GNAL: variants seen among roughly 807,000 people sequenced by gnomAD.
The protein encoded by GNAL is G protein subunit alpha L, also known as guanine nucleotide-binding protein G(olf) subunit alpha.
Under a neutral mutation model 55.1 loss-of-function variants are expected in GNAL, and 18 were observed. The observed-to-expected ratio is 0.33, with a 90% CI of 0.23 to 0.48. The LOEUF (loss-of-function observed/expected upper bound fraction) is 0.48, where lower values mean the gene tolerates loss of function less well. GNAL is among the 20% of genes least tolerant of loss of function. The pLI is 0.99. For synonymous variants in GNAL, 253 were observed against 237.0 expected (o/e 1.07, Z -0.62); for missense variants, 412 against 614.1 (o/e 0.67, Z 3.48).
intron 4 of GNAL, among the ~76,000 whole-genome samples, chr18:11,765,566 C>T (rs1306275963): frequency 6.6e-6 from 1 of 152,192 alleles, no homozygotes; most frequent in Admixed American, 6.5e-5. Context: ...TCACCCACCT[C>T]CCCACTATTC....
intron 6 of GNAL, among the ~76,000 whole-genome samples, chr18:11,863,609 GA>G (rs941597840): frequency 2.0e-5 from 3 of 152,154 alleles, no homozygotes; most frequent in African/African-American, 7.2e-5. Flanking sequence ...AATTATTACA[GA>G]ATGGCTGCTT....
chr18:11,690,363 A>G (rs1403216930), intron 1 of GNAL, among the ~76,000 whole-genome samples: 7 of 152,260 alleles, frequency 4.6e-5, no homozygotes, highest in Admixed American at 2.0e-4. Flanking sequence ...GAGATTTATA[A>G]GGCCTTTTAG....
rs1323976364 is a variant in GNAL, at chr18:11,868,514, G to C, written c.911-29G>C. On this transcript the variant is annotated intron_variant, in intron 8 of 11. Coordinates refer to ENST00000334049, the MANE Select transcript of GNAL (RefSeq NM_182978.4). This position sits in a 1 kb window ranked among gnomAD's most constrained non-coding sequence, Gnocchi z 4.0. ...AACTCCACAGTGAGGATGTCTAACTGAGGTGCTTTCCTTTTTCTCCCCACC... is the reference window on the plus strand; with the variant it reads ...AACTCCACAGTGAGGATGTCTAACTCAGGTGCTTTCCTTTTTCTCCCCACC... 1.9e-6 allele frequency: 3 copies of C among 1,595,652 alleles called. No homozygotes were observed. In the African/African-American group the frequency reaches 4.1e-5, roughly 22 times the overall value.
At chr18:11,749,840 C>T (rs1187960637) in intron 1 of GNAL, among the ~76,000 whole-genome samples, 1 of 152,136 alleles carries the variant, frequency 6.6e-6, no homozygotes, top group East Asian at 1.9e-4. Flanking sequence ...GCACATGCAC[C>T]CGACCAGCCT....
intron 4 of GNAL, among the ~76,000 whole-genome samples, chr18:11,812,726 C>T (rs747986889): frequency 1.4e-4 from 22 of 152,030 alleles, no homozygotes; most frequent in Non-Finnish European, 2.9e-4. Context: ...TGCCTGTAAT[C>T]CCAGCTACTC....
intron 1 of GNAL, among the ~76,000 whole-genome samples, chr18:11,702,475 G>C (rs1048862739): frequency 1.9e-4 from 29 of 152,352 alleles, no homozygotes; most frequent in Middle Eastern, 6.8e-3. Flanking sequence ...AGATCAATCA[G>C]CTGTTTGATT....
chr18:11,714,428 C>A (rs903243452), intron 1 of GNAL, among the ~76,000 whole-genome samples: 1 of 152,124 alleles, frequency 6.6e-6, no homozygotes, highest in Non-Finnish European at 1.5e-5. Context: ...CTTTGCTGAG[C>A]GCTCGCTGAA....
intron 5 of GNAL, among the ~76,000 whole-genome samples, chr18:11,838,713 C>T (rs1269320532): frequency 1.3e-5 from 2 of 152,130 alleles, no homozygotes; most frequent in African/African-American, 4.8e-5. Flanking sequence ...GGGGATGCTT[C>T]TGAGAGGATG....
At chr18:11,806,671 C>T (rs74799843) in intron 4 of GNAL, among the ~76,000 whole-genome samples, 2,330 of 151,550 alleles carry the variant, frequency 0.015, 58 homozygotes, top group African/African-American at 0.053. Flanking sequence ...TTGAGGGAGG[C>T]TGGTGAAAGG....
At chr18:11,856,036 G>A (rs575256597) in intron 5 of GNAL, among the ~76,000 whole-genome samples, 1 of 150,858 alleles carries the variant, frequency 6.6e-6, no homozygotes, top group Admixed American at 6.6e-5. Context: ...ACTGAGCATA[G>A]TATCAGCATC....
chr18:11,752,967 G>C lies in GNAL; in HGVS notation c.449+42G>C. On this transcript the variant is annotated intron_variant, in intron 2 of 11. Transcript: ENST00000334049. This position sits in a 1 kb window ranked among gnomAD's most constrained non-coding sequence, Gnocchi z 4.5. ...TGCTTCCAAACTGCATGCAAACTTC[G>C]TCTCTCTCCCAGACGTCCCAAAAGT... 8.3e-7 allele frequency: 1 copy of C among 1,206,340 alleles called. No homozygotes were observed. Among genetic ancestry groups the C allele is most frequent in the Non-Finnish European group, 1.2e-6 (1 of 814,044 alleles). 74.7% of individuals were successfully genotyped at this position (1,206,340 alleles called of 1,614,324 possible).
intron 4 of GNAL, among the ~76,000 whole-genome samples, chr18:11,768,546 A>G (rs1286646508): frequency 1.3e-5 from 2 of 151,806 alleles, no homozygotes; most frequent in Admixed American, 6.6e-5. Context: ...GGTTGCGGTG[A>G]GCTGAGATCA....
At chr18:11,825,059 T>C in intron 5 of GNAL, 44 bp downstream of exon 5, 3 of 965,070 alleles carry the variant, frequency 3.1e-6, no homozygotes, top group Non-Finnish European at 5.0e-6. Flanking sequence ...TTGAAGAATA[T>C]GATTGCATGC....
At chr18:11,735,005 C>A (rs776894089) in intron 1 of GNAL, among the ~76,000 whole-genome samples, 1 of 148,072 alleles carries the variant, frequency 6.8e-6, no homozygotes, top group African/African-American at 2.5e-5. Flanking sequence ...AACGCCAGGC[C>A]GACGTGAGGA....
At chr18:11,872,941 G>A (rs1187548476) in intron 10 of GNAL, among the ~76,000 whole-genome samples, 1 of 152,198 alleles carries the variant, frequency 6.6e-6, no homozygotes, top group East Asian at 1.9e-4. Context: ...GCCTTGCTGT[G>A]GCTGCAGCCT....
At chr18:11,796,921 C>T (rs749700270) in intron 4 of GNAL, among the ~76,000 whole-genome samples, 4 of 152,004 alleles carry the variant, frequency 2.6e-5, no homozygotes, top group Non-Finnish European at 5.9e-5. Flanking sequence ...CTTTTTACAG[C>T]TCTCTGGTTT....
At chr18:11,773,877 T>C (rs993953875) in intron 4 of GNAL, among the ~76,000 whole-genome samples, 1 of 152,200 alleles carries the variant, frequency 6.6e-6, no homozygotes, top group African/African-American at 2.4e-5. Context: ...TTCCTTAACA[T>C]TATGGTTAAG....
chr18:11,753,724 T>G, intron 3 of GNAL, 42 bp downstream of exon 3: 1 of 1,459,804 alleles, frequency 6.9e-7, no homozygotes, highest in Non-Finnish European at 9.6e-7. Flanking sequence ...AAAGGTCAAG[T>G]GCTCTTCATT....
chr18:11,864,011 G>A (rs1332514734), intron 6 of GNAL, among the ~76,000 whole-genome samples: 2 of 151,886 alleles, frequency 1.3e-5, no homozygotes, highest in Non-Finnish European at 2.9e-5. Context: ...ACAGTTATCA[G>A]GTCTCTTGGG....
Sources: gnomAD v4.1 joint callset for allele counts (sites outside exome capture counted in the v4.1 genomes callset) on GRCh38, gnomAD v4.1.1 for gene constraint, Gnocchi (gnomAD v3.1) non-coding constraint, MANE v1.5 for transcripts, NCBI Gene and HGNC (gene_info 2026-07-23, HGNC 2026-07-21) for gene names.